Variants in RBCK1 observed in about 807,000 individuals in gnomAD.
RBCK1 encodes the protein RANBP2-type and C3HC4-type zinc finger containing 1, also known as ranBP-type and C3HC4-type zinc finger-containing protein 1.
A neutral mutation model predicts 71.1 loss-of-function variants in RBCK1; 44 were observed. The ratio of observed to expected loss-of-function variants is 0.62; its 90% CI spans 0.49 to 0.80. The LOEUF is 0.80. RBCK1 is among the 30% of genes least tolerant of loss of function. The pLI is 0.00. For synonymous variants in RBCK1, 306 were observed against 279.7 expected, an observed-to-expected ratio of 1.09 and a Z score of -0.94; for missense variants, 569 against 685.0, an observed-to-expected ratio of 0.83 and a Z score of 1.89.
intron 2 of RBCK1, among the ~76,000 whole-genome samples, chr20:411,628 A>G (rs1047963007): frequency 2.6e-5 from 4 of 151,974 alleles, no homozygotes; most frequent in African/African-American, 4.8e-5. Flanking sequence ...ATGCCTCCCA[A>G]TGTGCTGGGA....
Position 420,884 on chromosome 20 carries a change from A to T in RBCK1, c.770A>T (p.Gln257Leu), listed in dbSNP as rs755744736. 2.2e-5 allele frequency: 34 copies of T among 1,549,068 alleles called. No individual in the cohort carries two copies. The highest frequency in any genetic ancestry group is 2.0e-5 in the Non-Finnish European group (23 of 1,150,114). ...LRQYQQRKQQQQEGNYLQHVQ... is the reference protein window; with the variant it reads ...LRQYQQRKQQLQEGNYLQHVQ... ...CCGTGTGCCCAGCGGAAGCAGCAGC[A>T]GCAGGAGGGGAACTACCTGCAGCAC... Residue 257 changes from glutamine (Q) to leucine (L), a missense_variant, in exon 7 of 12, where the codon CAG becomes CTG. Coordinates refer to ENST00000356286, the MANE Select transcript of RBCK1 (RefSeq NM_031229.4).
chr20:414,061 T>C (rs2015856600), intron 2 of RBCK1, among the ~76,000 whole-genome samples: 1 of 150,724 alleles, frequency 6.6e-6, no homozygotes, highest in Non-Finnish European at 1.5e-5. Context: ...TACTAGAAAT[T>C]ATAGATCATG....
chr20:427,244 A>G, intron 8 of RBCK1, 69 bp from the exon 9 acceptor site: 1 of 1,506,910 alleles, frequency 6.6e-7, no homozygotes, highest in Non-Finnish European at 9.1e-7. Context: ...TCTGGAGGGT[A>G]TTTAGTGGTC....
At chr20:418,375 C>CTT (rs563108799) in intron 4 of RBCK1, among the ~76,000 whole-genome samples, 2 of 148,134 alleles carry the variant, frequency 1.4e-5, no homozygotes, top group Non-Finnish European at 3.0e-5. Flanking sequence ...CATGTGCTTT[C>CTT]TTTTTTTTTT....
In RBCK1 at chr20:421,006, C is replaced by T. The variant is rs1436813228; in HGVS notation, c.892C>T (p.Arg298Cys). ...VLAPGEAVVL[R>C]ECLHTFCREC... ...GGCGCCCGGCGAGGCCGTGGTGCTGCGTGAGTGTCTGCACACCTTCTGCAG... is the reference window on the plus strand; with the variant it reads ...GGCGCCCGGCGAGGCCGTGGTGCTGTGTGAGTGTCTGCACACCTTCTGCAG... Residue 298 changes from arginine to cysteine, a missense_variant, in exon 7 of 12, where the codon CGT (arginine) becomes TGT (cysteine). This residue lies in a region of RBCK1 where 211 missense variants were observed against 309.4 expected (regional missense o/e 0.68). Coordinates refer to ENST00000356286, the MANE Select transcript of RBCK1 (RefSeq NM_031229.4). The T allele has an allele frequency of 1.3e-6, 2 of 1,566,960 alleles. No homozygotes were observed. The highest frequency in any genetic ancestry group is 1.9e-4 in the Middle Eastern group (1 of 5,162).
chr20:419,266 G>C lies in RBCK1; in HGVS notation c.461-81G>C, dbSNP rs1265743515. The C allele has an allele frequency of 3.8e-6, 6 of 1,576,438 alleles. No homozygotes were observed. The African/African-American group carries it at 6.8e-5, about 18-fold the overall frequency. On this transcript the variant is annotated intron_variant, in intron 4 of 11. Transcript: ENST00000356286. ...AGAGGATAGGGGGAGGGTCTGCCTGGCTGGCTCAGGGAGACCCACCCCCAT... is the reference window on the plus strand; with the variant it reads ...AGAGGATAGGGGGAGGGTCTGCCTGCCTGGCTCAGGGAGACCCACCCCCAT...
Position 428,144 on chromosome 20 carries a change from G to A in RBCK1, c.1210-347G>A, listed in dbSNP as rs1600314395. ...CTGGGGTCATTGGGCCTGTAACCCCGGGCAGGCCCTTGTTAGGGATGCAGG... is the reference window on the plus strand; with the variant it reads ...CTGGGGTCATTGGGCCTGTAACCCCAGGCAGGCCCTTGTTAGGGATGCAGG... On this transcript the variant is annotated intron_variant, in intron 9 of 11. Transcript: ENST00000356286. This position sits in a 1 kb window ranked among gnomAD's most constrained non-coding sequence, Gnocchi z 5.7. 6.6e-6 allele frequency among the ~76,000 whole-genome samples: 1 copy of A among 152,184 alleles called. No individual in the cohort carries two copies. The highest frequency in any genetic ancestry group is 1.5e-5 in the Non-Finnish European group (1 of 68,042).
At chr20:419,522 C>A in intron 5 of RBCK1, 36 bp from the exon 6 acceptor site, 1 of 1,605,112 alleles carries the variant, frequency 6.2e-7, no homozygotes, top group Non-Finnish European at 8.5e-7. Context: ...TTGCCTCACC[C>A]TGCCCAGTCG....
Position 419,671 on chromosome 20 carries a change from C to CGACGAGG in RBCK1, c.697_703dup (p.Glu235GlyfsTer67), listed in dbSNP as rs730880330. The stretch of plus-strand genomic sequence containing the variant: ...ACCAGGTCCCCGCCTCATACCAGCC[C>CGACGAGG]GACGAGGAGGAGCGAGCGCGCCTGG... On this transcript the variant is annotated frameshift_variant, in exon 6 of 12. Transcript: ENST00000356286. LOFTEE classifies it high-confidence loss of function. 12 of 1,581,270 alleles carry CGACGAGG rather than the reference C, an allele frequency of 7.6e-6. No homozygotes were observed. The highest frequency in any genetic ancestry group is 1.7e-6 in the Non-Finnish European group (2 of 1,166,428).
Position 430,616 on chromosome 20 carries a change from C to T in RBCK1, c.*186C>T. ...CTTCCCTTGGGGCTTGCCGGCCAGA[C>T]TTCTCTCCCCTGCGGCTCCCACCTC... On this transcript the variant is annotated 3_prime_UTR_variant, in exon 12 of 12. Coordinates refer to ENST00000356286, the MANE Select transcript of RBCK1 (RefSeq NM_031229.4). The surrounding 1 kb of genome is among the most constrained non-coding windows in gnomAD (Gnocchi z 5.6). 3.2e-6 allele frequency: 2 copies of T among 630,082 alleles called. No homozygotes were observed. Among genetic ancestry groups the T allele is most frequent in the South Asian group, 3.7e-5 (2 of 53,722 alleles). The allele number at this position is 630,082 out of a possible 1,614,324, so 39.0% of individuals were successfully genotyped here.
intron 2 of RBCK1, among the ~76,000 whole-genome samples, chr20:416,395 C>T (rs1054035269): frequency 6.6e-6 from 1 of 151,936 alleles, no homozygotes; most frequent in Non-Finnish European, 1.5e-5. Flanking sequence ...CTCCTGACCT[C>T]GTGATCCACC....
chr20:430,767 G>A lies in RBCK1; in HGVS notation c.*337G>A, dbSNP rs934165687. The A allele has an allele frequency of 3.2e-5, 9 of 284,576 alleles. No homozygotes were observed. The highest frequency in any genetic ancestry group is 1.0e-3 in the Middle Eastern group (1 of 964). The allele number at this position is 284,576 out of a possible 1,614,324, so 17.6% of individuals were successfully genotyped here. On this transcript the variant is annotated 3_prime_UTR_variant, in exon 12 of 12. Coordinates refer to ENST00000356286, the MANE Select transcript of RBCK1 (RefSeq NM_031229.4). The surrounding 1 kb of genome is among the most constrained non-coding windows in gnomAD (Gnocchi z 5.6). ...AACACCAAGCACTCTCAGCCTCCCCGCCTTCAGCTGTCAGCTTTCTGGGGC... is the reference window on the plus strand; with the variant it reads ...AACACCAAGCACTCTCAGCCTCCCCACCTTCAGCTGTCAGCTTTCTGGGGC...
In RBCK1 at chr20:428,725, G is replaced by A. The variant is rs1324799397; in HGVS notation, c.1308+136G>A. ...TCCCTTCTGGCTGTCACTCCCATCC[G>A]GAGGTGGGACTTAGGCCGAATGGTC... On this transcript the variant is annotated intron_variant, in intron 10 of 11. Transcript: ENST00000356286. This position sits in a 1 kb window ranked among gnomAD's most constrained non-coding sequence, Gnocchi z 5.7. 1.9e-5 allele frequency: 26 copies of A among 1,360,152 alleles called. No homozygotes were observed. Among genetic ancestry groups the A allele is most frequent in the Middle Eastern group, 2.6e-4 (1 of 3,832 alleles). The allele number at this position is 1,360,152 out of a possible 1,614,324, so 84.3% of individuals were successfully genotyped here. A position where few individuals can be genotyped will look rare whatever the true frequency, so the allele number is the denominator to read the frequency against.
chr20:428,773 G>A lies in RBCK1; in HGVS notation c.1309-178G>A. ...GTCATGTCAGGAAGAGCGTCTGGGT[G>A]GAGGGTGGAGACCACAGGAATGAAG... On this transcript the variant is annotated intron_variant, in intron 10 of 11. Transcript: ENST00000356286. The surrounding 1 kb of genome is among the most constrained non-coding windows in gnomAD (Gnocchi z 5.7). 9 of 1,418,920 alleles carry A rather than the reference G, an allele frequency of 6.3e-6. No individual in the cohort carries two copies. Among genetic ancestry groups the A allele is most frequent in the Non-Finnish European group, 8.3e-6 (9 of 1,080,668 alleles). 87.9% of individuals were successfully genotyped at this position (1,418,920 alleles called of 1,614,324 possible).
intron 4 of RBCK1, among the ~76,000 whole-genome samples, chr20:418,601 T>G (rs4061743): frequency 2.6e-5 from 4 of 151,462 alleles, no homozygotes; most frequent in African/African-American, 7.3e-5. Context: ...ATCTCCTGAC[T>G]TTGTGATCCG....
chr20:418,955 G>C (rs943168185), intron 4 of RBCK1, among the ~76,000 whole-genome samples: 5 of 152,202 alleles, frequency 3.3e-5, no homozygotes, highest in African/African-American at 1.2e-4. Flanking sequence ...TCATGTCTCA[G>C]TCCCTTTCAA....
Position 421,065 on chromosome 20 carries a change from C to T in RBCK1, c.917+34C>T, listed in dbSNP as rs1314124237. ...CCCAGTCCCACCCCCGGCAATGCAG[C>T]TTAATCAAAGCCGCCAATTACGCAG... On this transcript the variant is annotated intron_variant, in intron 7 of 11. Transcript: ENST00000356286. 4.0e-6 allele frequency: 6 copies of T among 1,505,368 alleles called. No homozygotes were observed. The South Asian group carries it at 6.2e-5, about 16-fold the overall frequency. The allele number at this position is 1,505,368 out of a possible 1,614,324, so 93.3% of individuals were successfully genotyped here. A position where few individuals can be genotyped will look rare whatever the true frequency, so the allele number is the denominator to read the frequency against.
At chr20:425,241 C>T (rs545079804) in intron 8 of RBCK1, among the ~76,000 whole-genome samples, 2 of 152,194 alleles carry the variant, frequency 1.3e-5, no homozygotes, top group African/African-American at 4.8e-5. Context: ...GAACTCCTGA[C>T]CTCAGGTGAT....
chr20:409,649 A>G (rs1490315298), intron 1 of RBCK1, among the ~76,000 whole-genome samples: 2 of 152,016 alleles, frequency 1.3e-5, no homozygotes, highest in African/African-American at 4.8e-5. Context: ...GGACCCTGGG[A>G]ATGGGAAGGA....
Sources: allele counts gnomAD v4.1 joint callset (sites outside exome capture counted in the v4.1 genomes callset), GRCh38; gene constraint gnomAD v4.1.1; regional missense constraint gnomAD v4.1.1; non-coding constraint Gnocchi (gnomAD v3.1); transcripts MANE v1.5; gene names NCBI Gene and HGNC (gene_info 2026-07-23, HGNC 2026-07-21).